Variants in RBM25 observed in about 807,000 individuals in gnomAD.
The protein encoded by RBM25 is RNA-binding protein 25.
In RBM25, 19 loss-of-function variants were observed where a neutral mutation model predicts 120.7. The ratio of observed to expected loss-of-function variants is 0.16; its 90% confidence interval spans 0.11 to 0.23. The LOEUF (loss-of-function observed/expected upper bound fraction) is 0.23, where lower values mean the gene tolerates loss of function less well. Ranked by LOEUF, RBM25 falls within the 10% of genes least tolerant of loss-of-function variation. The pLI is 1.00. For missense variants in RBM25, 605 were observed against 1,041.5 expected (o/e 0.58, Z 5.77); for synonymous variants, 390 against 326.7 (o/e 1.19, Z -2.09).
At chr14:73,095,342 C>T (rs1489720968) in intron 6 of RBM25, among the ~76,000 whole-genome samples, 1 of 135,054 alleles carries the variant, frequency 7.4e-6, no homozygotes, top group Non-Finnish European at 1.6e-5. Context: ...GTGGTCGTCA[C>T]GCCTGTAATC....
chr14:73,060,024 A>C (rs568330392), intron 1 of RBM25, among the ~76,000 whole-genome samples: 1 of 147,698 alleles, frequency 6.8e-6, no homozygotes, highest in Non-Finnish European at 1.5e-5. Context: ...TGACTCTGTA[A>C]TTTTTTTTTT....
At chr14:73,078,493 AT>A (rs1361605901) in intron 4 of RBM25, among the ~76,000 whole-genome samples, 2 of 152,300 alleles carry the variant, frequency 1.3e-5, no homozygotes, top group South Asian at 2.1e-4. Flanking sequence ...AAACAAAAAA[AT>A]ATATAAAATT....
intron 13 of RBM25, 43 bp from the exon 14 acceptor site, chr14:73,109,299 G>A: frequency 6.3e-7 from 1 of 1,582,918 alleles, no homozygotes; most frequent in South Asian, 1.2e-5. Context: ...ACTTCTCAAT[G>A]ATCGGAGTAT....
chr14:73,117,998 A>G (rs575734034), intron 18 of RBM25, among the ~76,000 whole-genome samples: 4 of 152,336 alleles, frequency 2.6e-5, no homozygotes, highest in Admixed American at 2.6e-4. Flanking sequence ...ATAACTCATA[A>G]GTAGAGAGGA....
intron 14 of RBM25, among the ~76,000 whole-genome samples, chr14:73,109,748 G>A (rs1409090331): frequency 6.6e-6 from 1 of 151,996 alleles, no homozygotes; most frequent in South Asian, 2.1e-4. Flanking sequence ...AGCCGAGATC[G>A]CGCCACTGCA....
intron 6 of RBM25, among the ~76,000 whole-genome samples, chr14:73,096,395 A>G (rs1218804953): frequency 6.6e-6 from 1 of 152,230 alleles, no homozygotes; most frequent in African/African-American, 2.4e-5. Context: ...GAAAGCAAAT[A>G]GGAAATAAGC....
intron 18 of RBM25, among the ~76,000 whole-genome samples, chr14:73,114,550 T>C (rs534610358): frequency 3.3e-5 from 5 of 152,214 alleles, no homozygotes; most frequent in African/African-American, 1.2e-4. Context: ...ATATTTTAAT[T>C]AACATCTATA....
At chr14:73,061,807 C>A (rs1895012361) in intron 1 of RBM25, among the ~76,000 whole-genome samples, 1 of 151,362 alleles carries the variant, frequency 6.6e-6, no homozygotes, top group Admixed American at 6.6e-5. Context: ...CTCAAAGGAT[C>A]CACCTGCCTC....
In RBM25 at chr14:73,120,550, A is replaced by G. The variant is rs1896521897; in HGVS notation, c.*745A>G. On this transcript the variant is annotated 3_prime_UTR_variant, in exon 19 of 19. Transcript: ENST00000261973. ...ACTGGATGGGGTTTTCTTATTAATA[A>G]GATGGCTGCTTCAGCTTCTCTTTTA... 6.6e-6 allele frequency: 1 copy of G among 152,498 alleles called. No individual in the cohort carries two copies. The allele number at this position is 152,498 out of a possible 1,614,324, so 9.4% of individuals were successfully genotyped here.
Position 73,103,345 on chromosome 14 carries a change from C to A in RBM25, c.1021C>A (p.Arg341=). 6.3e-7 allele frequency: 1 copy of A among 1,596,956 alleles called. No individual in the cohort carries two copies. Among genetic ancestry groups the A allele is most frequent in the Non-Finnish European group, 8.5e-7 (1 of 1,170,828 alleles). Residue 341 remains arginine (R), a synonymous_variant, in exon 10 of 19, where the codon CGG becomes AGG. Coordinates refer to ENST00000261973, the MANE Select transcript of RBM25 (RefSeq NM_021239.3). The part of the protein sequence containing the change: ...REREREKEKE[R]ERERERDRDR... ...ACGTGAACGAGAAAAGGAGAAAGAA[C>A]GGGAGCGGGAACGAGAACGGGATAG...
At chr14:73,078,493 A>C (rs1895478255) in intron 4 of RBM25, among the ~76,000 whole-genome samples, 1 of 152,182 alleles carries the variant, frequency 6.6e-6, no homozygotes, top group Non-Finnish European at 1.5e-5. Flanking sequence ...AAACAAAAAA[A>C]TATATAAAAT....
rs1021791422 is a variant in RBM25 at position 73,121,254 on chromosome 14, C to T, written c.*1449C>T. On this transcript the variant is annotated 3_prime_UTR_variant, in exon 19 of 19. Coordinates refer to ENST00000261973, the MANE Select transcript of RBM25 (RefSeq NM_021239.3). Reference sequence around the variant, plus strand: ...CATTTGAAAACACTGTTCTTACCCTCGAACCCTGATGTGGTTCCATTATGT... The same window carrying T: ...CATTTGAAAACACTGTTCTTACCCTTGAACCCTGATGTGGTTCCATTATGT... 8 of 151,838 alleles carry T rather than the reference C, an allele frequency of 5.3e-5. No homozygotes were observed. Among genetic ancestry groups the T allele is most frequent in the Admixed American group, 1.3e-4 (2 of 15,224 alleles). 9.4% of individuals were successfully genotyped at this position (151,838 alleles called of 1,614,324 possible).
chr14:73,081,855 G>T (rs748555913), intron 4 of RBM25, among the ~76,000 whole-genome samples: 8 of 152,172 alleles, frequency 5.3e-5, no homozygotes, highest in Non-Finnish European at 1.0e-4. Flanking sequence ...TTTTTCCCTG[G>T]AATGCCTCTC....
intron 1 of RBM25, chr14:73,068,297 T>C: frequency 1.2e-6 from 1 of 819,410 alleles, no homozygotes; most frequent in Admixed American, 1.8e-5. Flanking sequence ...GTCACTCTCT[T>C]GTGAGTACCA....
intron 6 of RBM25, among the ~76,000 whole-genome samples, chr14:73,090,166 T>C (rs1227435531): frequency 3.3e-5 from 5 of 152,068 alleles, no homozygotes; most frequent in Admixed American, 2.6e-4. Context: ...TTCTCCTGCT[T>C]TGGCCTACCG....
chr14:73,087,975 C>T, intron 5 of RBM25, 26 bp from the exon 6 acceptor site: 3 of 1,594,878 alleles, frequency 1.9e-6, no homozygotes, highest in Non-Finnish European at 2.6e-6. Flanking sequence ...ATTGGTATTT[C>T]ACTAATTGTT....
intron 1 of RBM25, among the ~76,000 whole-genome samples, chr14:73,062,386 A>G (rs2806048): frequency 0.26 from 39,550 of 151,004 alleles, 7,801 homozygotes; most frequent in Non-Finnish European, 0.37. Flanking sequence ...AGTGAGTTGT[A>G]TGTGAATATT....
chr14:73,098,242 G>T (rs1052957921), intron 7 of RBM25, among the ~76,000 whole-genome samples: 4 of 152,248 alleles, frequency 2.6e-5, no homozygotes, highest in Admixed American at 6.5e-5. Context: ...TGATCCTCAT[G>T]TGTTAGCCTC....
At chr14:73,065,905 A>C (rs925431703) in intron 1 of RBM25, among the ~76,000 whole-genome samples, 1 of 152,020 alleles carries the variant, frequency 6.6e-6, no homozygotes, top group Non-Finnish European at 1.5e-5. Flanking sequence ...TTGGGGGAAA[A>C]GTGGTTTTAA....
Sources: gnomAD v4.1 joint callset for allele counts (sites outside exome capture counted in the v4.1 genomes callset) on GRCh38, gnomAD v4.1.1 for gene constraint, MANE v1.5 for transcripts, NCBI Gene and HGNC (gene_info 2026-07-23, HGNC 2026-07-21) for gene names.